Variants in SIK2 observed in about 807,000 individuals in gnomAD.
SIK2 encodes the protein salt inducible kinase 2, also known as serine/threonine-protein kinase SIK2.
In SIK2, 29 loss-of-function variants were observed where a neutral mutation model predicts 103.2. The ratio of observed to expected loss-of-function variants is 0.28; its 90% CI spans 0.21 to 0.38. SIK2 has a LOEUF of 0.38. Ranked by LOEUF, SIK2 falls within the 10% of genes least tolerant of loss-of-function variation. The pLI is 1.00. For missense variants in SIK2, 879 were observed against 1,171.0 expected (o/e 0.75, Z 3.64); for synonymous variants, 412 against 446.1 (o/e 0.92, Z 0.96).
chr11:111,726,895 A>C lies in SIK2; in HGVS notation c.*2766A>C. ...TTGGTGAGATGAACGTGAGGTAAAAATTTCGTTCGGCAAAAAGTGCAATAT... is the reference window on the plus strand; with the variant it reads ...TTGGTGAGATGAACGTGAGGTAAAACTTTCGTTCGGCAAAAAGTGCAATAT... On this transcript the variant is annotated 3_prime_UTR_variant, in exon 15 of 15. Coordinates refer to ENST00000304987, the MANE Select transcript of SIK2 (RefSeq NM_015191.3). 3 of 1,473,866 alleles carry C rather than the reference A, an allele frequency of 2.0e-6. No individual in the cohort carries two copies. The highest frequency in any genetic ancestry group is 1.9e-6 in the Non-Finnish European group (2 of 1,060,806). 91.3% of individuals were successfully genotyped at this position (1,473,866 alleles called of 1,614,324 possible).
intron 3 of SIK2, among the ~76,000 whole-genome samples, chr11:111,648,475 G>A (rs914318564): frequency 2.0e-5 from 3 of 152,004 alleles, no homozygotes; most frequent in African/African-American, 7.2e-5. Flanking sequence ...CCTGAACAGT[G>A]CCCTCATGAC....
chr11:111,665,863 AAAAAG>A (rs1233760775), intron 3 of SIK2, among the ~76,000 whole-genome samples: 2 of 152,156 alleles, frequency 1.3e-5, no homozygotes, highest in African/African-American at 4.8e-5. Context: ...AAAGAAAAAA[AAAAAG>A]AAAAGAAATA....
At chr11:111,680,985 A>G (rs1011946030) in intron 3 of SIK2, among the ~76,000 whole-genome samples, 2 of 152,228 alleles carry the variant, frequency 1.3e-5, no homozygotes, top group African/African-American at 4.8e-5. Context: ...CTGTAAGATG[A>G]TAGTTATAGT....
At chr11:111,642,789 C>T (rs190181809) in intron 3 of SIK2, among the ~76,000 whole-genome samples, 1 of 145,428 alleles carries the variant, frequency 6.9e-6, no homozygotes, top group East Asian at 1.9e-4. Flanking sequence ...CACCACTAGT[C>T]ACCTCATTAG....
At chr11:111,605,204 C>A (rs1348020717) in intron 1 of SIK2, among the ~76,000 whole-genome samples, 1 of 152,240 alleles carries the variant, frequency 6.6e-6, no homozygotes, top group East Asian at 1.9e-4. Context: ...CTCAAGTGAT[C>A]CACACGCCTT....
rs1043362606 is a variant in SIK2 at position 111,705,720 on chromosome 11, T to C, written c.1101+581T>C. On this transcript the variant is annotated intron_variant, in intron 8 of 14. Transcript: ENST00000304987. The surrounding 1 kb of genome is among the most constrained non-coding windows in gnomAD (Gnocchi z 4.3). Reference sequence around the variant, plus strand: ...GTTTTGAATGCCAAGGTAAAGAGTTTACTTACAATTCAAGAAGCAACAAGG... The same window carrying C: ...GTTTTGAATGCCAAGGTAAAGAGTTCACTTACAATTCAAGAAGCAACAAGG... Among the ~76,000 whole-genome samples the C allele has an allele frequency of 6.6e-6, 1 of 152,214 alleles. No individual in the cohort carries two copies. The highest frequency in any genetic ancestry group is 1.5e-5 in the Non-Finnish European group (1 of 68,032).
chr11:111,679,556 A>C (rs1382453367), intron 3 of SIK2, among the ~76,000 whole-genome samples: 1 of 152,250 alleles, frequency 6.6e-6, no homozygotes, highest in Non-Finnish European at 1.5e-5. Flanking sequence ...ATTCATAAAT[A>C]TATCTCAAGG....
At chr11:111,652,106 G>T (rs1052067722) in intron 3 of SIK2, among the ~76,000 whole-genome samples, 1 of 151,990 alleles carries the variant, frequency 6.6e-6, no homozygotes, top group African/African-American at 2.4e-5. Flanking sequence ...TTGAGTATCC[G>T]CTGTGTAAAA....
Position 111,687,997 on chromosome 11 carries a change from A to G in SIK2, c.317-4A>G. ...CTAATTCTTAATCCTCTCTTCATTTACAGACTATCTTGCTAATCATGGCCG... is the reference window on the plus strand; with the variant it reads ...CTAATTCTTAATCCTCTCTTCATTTGCAGACTATCTTGCTAATCATGGCCG... On this transcript the variant is annotated splice_region_variant and splice_polypyrimidine_tract_variant and intron_variant, in intron 3 of 14. Coordinates refer to ENST00000304987, the MANE Select transcript of SIK2 (RefSeq NM_015191.3). The G allele has an allele frequency of 2.5e-6, 4 of 1,613,766 alleles. No homozygotes were observed. The highest frequency in any genetic ancestry group is 3.4e-6 in the Non-Finnish European group (4 of 1,179,914).
rs1040890886 is a variant in SIK2 at position 111,688,750 on chromosome 11, GT to G, written c.478+589del. 2.0e-5 allele frequency among the ~76,000 whole-genome samples: 3 copies of G among 152,020 alleles called. No homozygotes were observed. The highest frequency in any genetic ancestry group is 7.2e-5 in the African/African-American group (3 of 41,392). The stretch of plus-strand genomic sequence containing the variant: ...TATTCTCAGTCTCTTTATTTACATA[GT>G]CAAAACTCTCATTCACTCAATAAAT... On this transcript the variant is annotated intron_variant, in intron 4 of 14. Coordinates refer to ENST00000304987, the MANE Select transcript of SIK2 (RefSeq NM_015191.3). The surrounding 1 kb of genome is among the most constrained non-coding windows in gnomAD (Gnocchi z 4.2).
chr11:111,607,779 C>A (rs1941667030), intron 1 of SIK2, among the ~76,000 whole-genome samples: 1 of 152,142 alleles, frequency 6.6e-6, no homozygotes, highest in African/African-American at 2.4e-5. Context: ...TCAAAATGAT[C>A]TGCTCTTTTT....
At chr11:111,619,052 C>G (rs1431999776) in intron 2 of SIK2, among the ~76,000 whole-genome samples, 39 of 152,006 alleles carry the variant, frequency 2.6e-4, no homozygotes, top group Admixed American at 2.6e-3. Flanking sequence ...TTTTTTAATT[C>G]CTGAAGAAGA....
At chr11:111,619,995 T>G (rs569041456) in intron 2 of SIK2, among the ~76,000 whole-genome samples, 1 of 152,224 alleles carries the variant, frequency 6.6e-6, no homozygotes, top group Non-Finnish European at 1.5e-5. Flanking sequence ...ATACTAGTAC[T>G]TCTCAAACTT....
chr11:111,695,475 T>C (rs1565364194), intron 4 of SIK2, among the ~76,000 whole-genome samples: 1 of 152,220 alleles, frequency 6.6e-6, no homozygotes, highest in Non-Finnish European at 1.5e-5. Context: ...CCTATTTAAA[T>C]AAAAAACCTA....
At chr11:111,715,005 G>A (rs975341745) in intron 9 of SIK2, among the ~76,000 whole-genome samples, 5 of 152,236 alleles carry the variant, frequency 3.3e-5, no homozygotes, top group African/African-American at 1.2e-4. Flanking sequence ...ATTGGGCACT[G>A]ACTGCTGTAT....
intron 3 of SIK2, among the ~76,000 whole-genome samples, chr11:111,630,813 G>A (rs894733294): frequency 1.3e-5 from 2 of 152,126 alleles, no homozygotes; most frequent in Non-Finnish European, 2.9e-5. Flanking sequence ...GATTTCAAGA[G>A]GTTAAGGATG....
At chr11:111,644,346 T>C (rs915511441) in intron 3 of SIK2, among the ~76,000 whole-genome samples, 1 of 151,612 alleles carries the variant, frequency 6.6e-6, no homozygotes, top group African/African-American at 2.4e-5. Context: ...CCGAAATCCT[T>C]ATTTTCCTGA....
At chr11:111,614,435 A>G (rs1208726573) in intron 1 of SIK2, among the ~76,000 whole-genome samples, 2 of 152,204 alleles carry the variant, frequency 1.3e-5, no homozygotes, top group African/African-American at 4.8e-5. Context: ...AAGCCTTACC[A>G]ATAACAGAAA....
At chr11:111,716,437 C>A (rs1024300390) in intron 9 of SIK2, among the ~76,000 whole-genome samples, 8 of 152,048 alleles carry the variant, frequency 5.3e-5, no homozygotes, top group African/African-American at 1.9e-4. Context: ...ATTAGCCAGG[C>A]ATGGTGGTGC....
Sources: gnomAD v4.1 joint callset for allele counts (sites outside exome capture counted in the v4.1 genomes callset) on GRCh38, gnomAD v4.1.1 for gene constraint, Gnocchi (gnomAD v3.1) non-coding constraint, MANE v1.5 for transcripts, NCBI Gene and HGNC (gene_info 2026-07-23, HGNC 2026-07-21) for gene names.